MAL: variants seen among roughly 807,000 people sequenced by gnomAD.
MAL encodes the protein myelin and lymphocyte protein.
MAL carries 5 observed loss-of-function variants against 16.7 expected under a neutral mutation model. That is an observed-to-expected ratio of 0.30 (90% CI 0.16 to 0.63). The LOEUF (loss-of-function observed/expected upper bound fraction) is 0.63, where lower values mean the gene tolerates loss of function less well. Ranked by LOEUF, MAL falls within the 30% of genes least tolerant of loss-of-function variation. The pLI, the probability that MAL is intolerant of heterozygous loss-of-function variation, is 0.82. For missense variants in MAL, 202 were observed against 195.8 expected, an observed-to-expected ratio of 1.03 and a Z score of -0.19; for synonymous variants, 96 against 85.5, an observed-to-expected ratio of 1.12 and a Z score of -0.67.
intron 1 of MAL, among the ~76,000 whole-genome samples, chr2:95,043,251 G>A (rs1264523103): frequency 2.6e-5 from 4 of 152,258 alleles, no homozygotes; most frequent in Admixed American, 2.0e-4. Context: ...CTCGGGGCTG[G>A]TTGTCCACCT....
chr2:95,025,786 C>T lies in MAL; in HGVS notation c.-7C>T. ...TCCCGTCCCAAGGCCGACGCCAGCA[C>T]GCCGTCATGGCCCCCGCAGCGGCGA... On this transcript the variant is annotated 5_prime_UTR_variant, in exon 1 of 4. In the 5' UTR this introduces an upstream ATG that the reference lacks. Transcript: ENST00000309988. This position sits in a 1 kb window ranked among gnomAD's most constrained non-coding sequence, Gnocchi z 5.6. 3.3e-6 allele frequency: 5 copies of T among 1,537,148 alleles called. No homozygotes were observed. Among genetic ancestry groups the T allele is most frequent in the East Asian group, 2.5e-5 (1 of 39,280 alleles).
intron 1 of MAL, among the ~76,000 whole-genome samples, chr2:95,026,101 G>A (rs1673928956): frequency 6.6e-6 from 1 of 152,092 alleles, no homozygotes; most frequent in African/African-American, 2.4e-5. Flanking sequence ...CAGTCTACAG[G>A]ACTATGGAGG....
At chr2:95,036,068 C>T (rs1433534871) in intron 1 of MAL, among the ~76,000 whole-genome samples, 3 of 152,180 alleles carry the variant, frequency 2.0e-5, no homozygotes, top group Non-Finnish European at 4.4e-5. Context: ...AGATAAGGAA[C>T]ACTGTCTAAG....
intron 1 of MAL, among the ~76,000 whole-genome samples, chr2:95,042,441 A>C (rs1674490910): frequency 6.6e-6 from 1 of 152,134 alleles, no homozygotes; most frequent in African/African-American, 2.4e-5. Context: ...GCCCCAGGTG[A>C]CTTAATGTAT....
intron 1 of MAL, among the ~76,000 whole-genome samples, chr2:95,036,690 T>C (rs189136327): frequency 2.4e-4 from 37 of 152,208 alleles, no homozygotes; most frequent in African/African-American, 8.4e-4. Context: ...ACTGAGTGAC[T>C]GAGTGAGTGA....
At chr2:95,042,229 G>A (rs1339188860) in intron 1 of MAL, among the ~76,000 whole-genome samples, 1 of 152,236 alleles carries the variant, frequency 6.6e-6, no homozygotes, top group Non-Finnish European at 1.5e-5. Flanking sequence ...ATCGCTGGAA[G>A]GCAGGCAGGG....
chr2:95,049,934 G>A (rs1490238375), intron 3 of MAL, among the ~76,000 whole-genome samples: 2 of 152,190 alleles, frequency 1.3e-5, no homozygotes, highest in African/African-American at 4.8e-5. Context: ...CCAGGCCTGC[G>A]TGGGCTTTGC....
At chr2:95,031,893 T>C (rs893530058) in intron 1 of MAL, among the ~76,000 whole-genome samples, 3 of 152,254 alleles carry the variant, frequency 2.0e-5, no homozygotes, top group African/African-American at 7.2e-5. Context: ...GTGACTTTTC[T>C]GGTTTTTCAA....
intron 1 of MAL, among the ~76,000 whole-genome samples, chr2:95,042,434 C>T (rs1182424809): frequency 6.6e-6 from 1 of 152,210 alleles, no homozygotes; most frequent in Non-Finnish European, 1.5e-5. Flanking sequence ...TAAAGGTGCC[C>T]CAGGTGACTT....
intron 1 of MAL, among the ~76,000 whole-genome samples, chr2:95,041,223 C>T (rs1488059445): frequency 6.6e-6 from 1 of 152,188 alleles, no homozygotes; most frequent in African/African-American, 2.4e-5. Flanking sequence ...AAGAATGTGC[C>T]AGAGAATGCG....
At chr2:95,036,791 G>GAGTGACTGAGTGTGTGAGTGAGTGACTT (rs1158143143) in intron 1 of MAL, among the ~76,000 whole-genome samples, 1 of 152,082 alleles carries the variant, frequency 6.6e-6, no homozygotes, top group African/African-American at 2.4e-5. Flanking sequence ...GTGAGTGACT[G>GAGTGACTGAGTGTGTGAGTGAGTGACTT]AGTGACTGAG....
intron 3 of MAL, among the ~76,000 whole-genome samples, chr2:95,051,086 C>T: frequency 6.6e-6 from 1 of 152,198 alleles, no homozygotes; most frequent in Admixed American, 6.5e-5. Context: ...TGGGTCAGCA[C>T]TTGATGGAAA....
At chr2:95,046,205 G>T (rs1239022764) in intron 1 of MAL, among the ~76,000 whole-genome samples, 1 of 152,210 alleles carries the variant, frequency 6.6e-6, no homozygotes, top group African/African-American at 2.4e-5. Flanking sequence ...AGGGAGGTGG[G>T]GGGGTCAAGG....
chr2:95,033,516 G>T (rs1316583234), intron 1 of MAL, among the ~76,000 whole-genome samples: 2 of 152,024 alleles, frequency 1.3e-5, no homozygotes, highest in Admixed American at 6.6e-5. Context: ...ATGTTAACGC[G>T]CCTGTAATCC....
At chr2:95,052,178 G>A (rs1215462838) in intron 3 of MAL, among the ~76,000 whole-genome samples, 4 of 152,216 alleles carry the variant, frequency 2.6e-5, no homozygotes, top group Non-Finnish European at 4.4e-5. Flanking sequence ...ATACAATGGT[G>A]GGCAGTGATG....
intron 1 of MAL, among the ~76,000 whole-genome samples, chr2:95,046,295 A>G (rs1674583575): frequency 6.6e-6 from 1 of 151,954 alleles, no homozygotes; most frequent in African/African-American, 2.4e-5. Context: ...CTTCTGTAGT[A>G]CCTTGGAGAC....
At chr2:95,039,941 G>A (rs1674403651) in intron 1 of MAL, among the ~76,000 whole-genome samples, 1 of 152,130 alleles carries the variant, frequency 6.6e-6, no homozygotes, top group Non-Finnish European at 1.5e-5. Context: ...AGAGCCGCAG[G>A]ACTTTGCGGA....
chr2:95,032,856 G>A (rs1240830847), intron 1 of MAL, among the ~76,000 whole-genome samples: 2 of 152,210 alleles, frequency 1.3e-5, no homozygotes, highest in Non-Finnish European at 2.9e-5. Flanking sequence ...CTCTGCCGCT[G>A]CTACCTCATT....
intron 3 of MAL, among the ~76,000 whole-genome samples, chr2:95,050,612 T>C (rs1206030881): frequency 6.6e-6 from 1 of 152,168 alleles, no homozygotes; most frequent in Non-Finnish European, 1.5e-5. Context: ...GTGAAGTGCC[T>C]CTTCCCACTC....
Sources: allele counts gnomAD v4.1 joint callset (sites outside exome capture counted in the v4.1 genomes callset), GRCh38; gene constraint gnomAD v4.1.1; non-coding constraint Gnocchi (gnomAD v3.1); transcripts MANE v1.5; gene names NCBI Gene and HGNC (gene_info 2026-07-23, HGNC 2026-07-21).